The following PPP1R12B variants were observed in gnomAD, a reference collection of about 807,000 sequenced individuals.
PPP1R12B encodes the protein protein phosphatase 1 regulatory subunit 12B.
A neutral mutation model predicts 126.1 loss-of-function variants in PPP1R12B; 76 were observed. The observed-to-expected ratio is 0.60, with a 90% CI of 0.50 to 0.73. The LOEUF (loss-of-function observed/expected upper bound fraction) is 0.73. Among genes scored for constraint, PPP1R12B ranks in the 30% least tolerant of loss-of-function variants. PPP1R12B has a pLI of 0.00. For missense variants in PPP1R12B, 1,052 were observed against 1,205.1 expected, an observed-to-expected ratio of 0.87 and a Z score of 1.88; for synonymous variants, 356 against 434.7, an observed-to-expected ratio of 0.82 and a Z score of 2.25.
chr1:202,368,073 G>T (rs183437471), intron 1 of PPP1R12B, among the ~76,000 whole-genome samples: 4 of 151,950 alleles, frequency 2.6e-5, no homozygotes, highest in Non-Finnish European at 5.9e-5. Context: ...AGGTTCAAGC[G>T]ATTCTCCTGC....
At chr1:202,493,787 A>G (rs946974038) in intron 15 of PPP1R12B, among the ~76,000 whole-genome samples, 6 of 152,190 alleles carry the variant, frequency 3.9e-5, no homozygotes, top group African/African-American at 1.4e-4. Flanking sequence ...TCACATAGCC[A>G]AGAAGTGGTT....
rs112765564 is a variant in PPP1R12B at position 202,434,678 on chromosome 1, C to T, written c.1164C>T (p.Val388=). The T allele has an allele frequency of 1.5e-4, 243 of 1,612,346 alleles. No individual in the cohort carries two copies. The African/African-American group carries it at 2.1e-3, about 14-fold the overall frequency. ...KEADKKPEAF[V]NHSNSESKSS... is the part of the protein sequence containing the mutation. ...CAGATAAAAAGCCAGAAGCCTTTGT[C>T]AATCATTCCAACTCTGAAAGCAAGA... The change falls in exon 9 of 24, where the codon GTC becomes GTT. Residue 388 remains valine, a synonymous_variant. Transcript: ENST00000608999.
chr1:202,407,795 G>A (rs1430238211), intron 1 of PPP1R12B, among the ~76,000 whole-genome samples: 1 of 152,116 alleles, frequency 6.6e-6, no homozygotes, highest in Non-Finnish European at 1.5e-5. Flanking sequence ...GATTTACTGA[G>A]TCCTTTATCA....
At chr1:202,485,791 C>T (rs1176478855) in intron 13 of PPP1R12B, among the ~76,000 whole-genome samples, 1 of 152,106 alleles carries the variant, frequency 6.6e-6, no homozygotes, top group Admixed American at 6.5e-5. Context: ...GTTTTGGTCC[C>T]TTTTTGTGGA....
intron 6 of PPP1R12B, 77 bp downstream of exon 6, chr1:202,429,006 A>G: frequency 7.9e-7 from 1 of 1,269,986 alleles, no homozygotes; most frequent in Non-Finnish European, 1.1e-6. Context: ...CACTTGTTTC[A>G]GTTGTGTCTG....
At chr1:202,484,071 A>G (rs769165569) in intron 13 of PPP1R12B, among the ~76,000 whole-genome samples, 7 of 152,142 alleles carry the variant, frequency 4.6e-5, no homozygotes, top group East Asian at 1.9e-4. Flanking sequence ...CAGCCACTCT[A>G]TATCTTTTAA....
intron 18 of PPP1R12B, among the ~76,000 whole-genome samples, chr1:202,558,282 A>T (rs1448459589): frequency 6.6e-6 from 1 of 150,996 alleles, no homozygotes; most frequent in Non-Finnish European, 1.5e-5. Context: ...TTCTTTTGAG[A>T]CCTCAGAGTA....
At chr1:202,410,994 A>G (rs1276479829) in intron 1 of PPP1R12B, among the ~76,000 whole-genome samples, 1 of 152,154 alleles carries the variant, frequency 6.6e-6, no homozygotes, top group East Asian at 1.9e-4. Context: ...TCCCAAGAAA[A>G]GGAAAGACCT....
intron 13 of PPP1R12B, among the ~76,000 whole-genome samples, chr1:202,484,058 G>T (rs1376477734): frequency 6.6e-6 from 1 of 152,016 alleles, no homozygotes; most frequent in African/African-American, 2.4e-5. Context: ...TTTTTAATCC[G>T]TTCAGCCACT....
At chr1:202,382,279 G>T (rs1008503853) in intron 1 of PPP1R12B, among the ~76,000 whole-genome samples, 6 of 143,528 alleles carry the variant, frequency 4.2e-5, no homozygotes, top group African/African-American at 1.0e-4. Context: ...GTTGTGGAGT[G>T]GGGGGAGGGG....
At chr1:202,540,298 G>A (rs1684987593) in intron 18 of PPP1R12B, 7 of 1,380,450 alleles carry the variant, frequency 5.1e-6, no homozygotes, top group African/African-American at 1.4e-5. Flanking sequence ...TAGAGAATGT[G>A]TATATATATA....
intron 18 of PPP1R12B, among the ~76,000 whole-genome samples, chr1:202,522,622 A>C (rs1468831561): frequency 6.6e-6 from 1 of 152,194 alleles, no homozygotes; most frequent in Non-Finnish European, 1.5e-5. Flanking sequence ...GTCATAATAT[A>C]AATTAATCTA....
intron 10 of PPP1R12B, chr1:202,439,362 G>A: frequency 1.5e-6 from 2 of 1,314,114 alleles, no homozygotes; most frequent in Admixed American, 1.7e-5. Context: ...GATCCACGCA[G>A]AACTCTTGAA....
chr1:202,553,613 A>C (rs572432793), intron 18 of PPP1R12B, among the ~76,000 whole-genome samples: 1 of 152,212 alleles, frequency 6.6e-6, no homozygotes, highest in Admixed American at 6.5e-5. Flanking sequence ...GAGGGAGTGT[A>C]CAGAGGAGGA....
intron 18 of PPP1R12B, among the ~76,000 whole-genome samples, chr1:202,510,950 T>G (rs561313923): frequency 6.8e-6 from 1 of 146,444 alleles, no homozygotes; most frequent in South Asian, 2.1e-4. Context: ...TATAATATAA[T>G]TTATATGTAT....
Position 202,449,113 on chromosome 1 carries a change from A to C in PPP1R12B, c.1792A>C (p.Thr598Pro). 1.2e-6 allele frequency: 2 copies of C among 1,613,438 alleles called. No homozygotes were observed. Among genetic ancestry groups the C allele is most frequent in the Non-Finnish European group, 1.7e-6 (2 of 1,179,698 alleles). The change falls in exon 13 of 24, where the codon ACT (threonine) becomes CCT (proline). Residue 598 changes from threonine (T) to proline (P), a missense_variant. Coordinates refer to ENST00000608999, the MANE Select transcript of PPP1R12B (RefSeq NM_002481.4). ...LPSTANGVTA[T>P]PVLSITGTDS... is the part of the protein sequence containing the mutation. ...TAGCACTGCCAATGGGGTTACAGCT[A>C]CTCCTGTGCTCTCCATTACTGGAAC...
chr1:202,585,858 A>C lies in PPP1R12B; in HGVS notation c.*5298A>C, dbSNP rs1256153581. On this transcript the variant is annotated 3_prime_UTR_variant, in exon 24 of 24. Transcript: ENST00000608999. ...ATTTGTTGCAGGCAGCCTTTGGACA[A>C]GTTGTTTTAATAGGAAATAGACCTG... is the stretch of plus-strand genomic sequence containing the variant. The C allele has an allele frequency of 6.6e-6, 1 of 152,208 alleles. No homozygotes were observed. The highest frequency in any genetic ancestry group is 1.5e-5 in the Non-Finnish European group (1 of 68,030). 9.4% of individuals were successfully genotyped at this position (152,208 alleles called of 1,614,324 possible).
At chr1:202,457,879 G>A (rs938303597) in intron 13 of PPP1R12B, among the ~76,000 whole-genome samples, 2 of 152,148 alleles carry the variant, frequency 1.3e-5, no homozygotes, top group Admixed American at 6.5e-5. Flanking sequence ...CTGAAGCTGG[G>A]AGAAGGTGAG....
At position 202,413,880 on chromosome 1, in the gene PPP1R12B, T is replaced by C. The variant is rs183220926; in HGVS notation, c.292-2907T>C. On this transcript the variant is annotated intron_variant, in intron 1 of 23. Transcript: ENST00000608999. ...TTTTAATAGTCTGTTCAGACAATTG[T>C]AGATGTTTTTCTTGGATATTATACC... Among the ~76,000 whole-genome samples the C allele has an allele frequency of 2.9e-3, 447 of 152,268 alleles. 3 individuals are homozygous for C. The highest frequency in any genetic ancestry group is 9.3e-3 in the African/African-American group (386 of 41,576).
Sources: allele counts gnomAD v4.1 joint callset (sites outside exome capture counted in the v4.1 genomes callset), GRCh38; gene constraint gnomAD v4.1.1; transcripts MANE v1.5; gene names NCBI Gene and HGNC (gene_info 2026-07-23, HGNC 2026-07-21).